DMRT1: variants seen among roughly 807,000 people sequenced by gnomAD.
DMRT1 encodes doublesex and mab-3 related transcription factor 1, also known as doublesex- and mab-3-related transcription factor 1.
A neutral mutation model predicts 32.3 loss-of-function variants in DMRT1; 7 were observed. The ratio of observed to expected loss-of-function variants is 0.22; its 90% CI spans 0.12 to 0.41. DMRT1 has a LOEUF of 0.41. DMRT1 is among the 10% of genes least tolerant of loss of function. The pLI, the probability that DMRT1 is intolerant of heterozygous loss-of-function variation, is 1.00. For missense variants in DMRT1, 625 were observed against 500.5 expected (o/e 1.25, Z -2.37); for synonymous variants, 278 against 206.1 (o/e 1.35, Z -2.99).
rs553891741 is a variant in DMRT1, at chr9:965,400, G to A, written c.968-2585G>A. ...TCTAGAGTGCAGTCATGCATTAAAAGTATGCTTGGAGCCCCGCTAGTCCAT... is the reference window on the plus strand; with the variant it reads ...TCTAGAGTGCAGTCATGCATTAAAAATATGCTTGGAGCCCCGCTAGTCCAT... On this transcript the variant is annotated intron_variant, in intron 4 of 4. Transcript: ENST00000382276. The surrounding 1 kb of genome is among the most constrained non-coding windows in gnomAD (Gnocchi z 4.5). Among the ~76,000 whole-genome samples the A allele has an allele frequency of 1.3e-5, 2 of 152,358 alleles. No individual in the cohort carries two copies. The highest frequency in any genetic ancestry group is 3.9e-4 in the East Asian group (2 of 5,188).
In DMRT1 at chr9:893,969, A is replaced by G; in HGVS notation, c.596A>G (p.Asn199Ser). Residue 199 changes from asparagine (N) to serine (S), a missense_variant, in exon 3 of 5, where the codon AAC becomes AGC. By Grantham distance (46) the Asn-to-Ser change is conservative. Around this residue, in one of 3 missense-constraint regions of DMRT1, gnomAD observed 416 missense variants for 321.6 expected, o/e 1.29. Transcript: ENST00000382276. Reference sequence around the variant, plus strand: ...GTCACCAGCAGAGGGCATGTGGAGAACACACCTGACCTGGTTTCAGACTCC... The same window carrying G: ...GTCACCAGCAGAGGGCATGTGGAGAGCACACCTGACCTGGTTTCAGACTCC... ...PAVTSRGHVE[N>S]TPDLVSDSTY... 4 of 1,614,118 alleles carry G rather than the reference A, an allele frequency of 2.5e-6. No homozygotes were observed. Among genetic ancestry groups the G allele is most frequent in the Non-Finnish European group, 3.4e-6 (4 of 1,179,956 alleles).
chr9:933,617 C>T (rs1056005275), intron 4 of DMRT1, among the ~76,000 whole-genome samples: 30 of 152,152 alleles, frequency 2.0e-4, no homozygotes, highest in Non-Finnish European at 2.8e-4. Flanking sequence ...TAGACCTGCA[C>T]CATCCAGTAC....
chr9:911,546 G>A (rs925621362), intron 3 of DMRT1, among the ~76,000 whole-genome samples: 1 of 127,362 alleles, frequency 7.9e-6, no homozygotes, highest in Non-Finnish European at 1.6e-5. Flanking sequence ...AGGCTGGAGT[G>A]CAGTGGTGCA....
intron 2 of DMRT1, among the ~76,000 whole-genome samples, chr9:849,447 G>A (rs902427495): frequency 1.3e-5 from 2 of 152,214 alleles, no homozygotes; most frequent in Admixed American, 6.5e-5. Flanking sequence ...TGACGGATCA[G>A]TGTCAATGCT....
rs946863986 is a variant in DMRT1 at position 922,832 on chromosome 9, A to G, written c.967+5925A>G. 2.0e-5 allele frequency among the ~76,000 whole-genome samples: 3 copies of G among 152,160 alleles called. No homozygotes were observed. The South Asian group carries it at 6.2e-4, about 32-fold the overall frequency. ...GAAGTGTTCATGTATTACTCATTTA[A>G]CACACAGAGGTTGTCAGCAGTTCCG... On this transcript the variant is annotated intron_variant, in intron 4 of 4. Transcript: ENST00000382276.
At chr9:905,571 A>G (rs920763662) in intron 3 of DMRT1, among the ~76,000 whole-genome samples, 11 of 151,698 alleles carry the variant, frequency 7.3e-5, no homozygotes, top group Admixed American at 1.3e-4. Context: ...TTTAAAGTGT[A>G]TAATGGAAAG....
At chr9:854,607 C>G (rs1000258408) in intron 2 of DMRT1, among the ~76,000 whole-genome samples, 1 of 152,034 alleles carries the variant, frequency 6.6e-6, no homozygotes, top group African/African-American at 2.4e-5. Context: ...TTGAAAGAGT[C>G]TGGCCACTTA....
chr9:937,096 A>G (rs1288774917), intron 4 of DMRT1, among the ~76,000 whole-genome samples: 1 of 152,120 alleles, frequency 6.6e-6, no homozygotes, highest in Non-Finnish European at 1.5e-5. Flanking sequence ...GAATGATGCC[A>G]TATTTGTCCT....
rs796961838 is a variant in DMRT1 at position 882,303 on chromosome 9, C to T, written c.539-11609C>T. 1.7e-4 allele frequency among the ~76,000 whole-genome samples: 26 copies of T among 152,278 alleles called. 1 individual carries two copies. Among genetic ancestry groups the T allele is most frequent in the African/African-American group, 6.3e-4 (26 of 41,548 alleles). On this transcript the variant is annotated intron_variant, in intron 2 of 4. Coordinates refer to ENST00000382276, the MANE Select transcript of DMRT1 (RefSeq NM_021951.3). ...CCACTGTGCCAGGAGCACCCCCATT[C>T]TCCTCCTGCAGTGGACCCTGTGCTC... is the stretch of plus-strand genomic sequence containing the variant.
In DMRT1 at chr9:968,051, A is replaced by C. The variant is rs756046603; in HGVS notation, c.1034A>C (p.Asn345Thr). 1.2e-5 allele frequency: 20 copies of C among 1,614,014 alleles called. No individual in the cohort carries two copies. The highest frequency in any genetic ancestry group is 1.7e-5 in the Admixed American group (1 of 60,008). ...CTCTCGAGCAGCTCTCCTATTAGTA[A>C]CAAGAGCACAAAGGCAGTGCTTGAA... ...VSLSSSSPIS[N>T]KSTKAVLECE... Residue 345 changes from asparagine to threonine, a missense_variant, in exon 5 of 5, where the codon AAC becomes ACC. Transcript: ENST00000382276.
chr9:906,021 ACACACACACC>A (rs1049309773), intron 3 of DMRT1, among the ~76,000 whole-genome samples: 18 of 46,986 alleles, frequency 3.8e-4, no homozygotes, highest in South Asian at 4.4e-3. Context: ...TGCTTCTGTG[ACACACACACC>A]CACACACACA....
chr9:864,892 TA>T (rs1275532519), intron 2 of DMRT1, among the ~76,000 whole-genome samples: 2 of 152,196 alleles, frequency 1.3e-5, no homozygotes, highest in African/African-American at 4.8e-5. Flanking sequence ...AACCATTTCA[TA>T]GTTATGGTTT....
chr9:893,493 T>A (rs1817230970), intron 2 of DMRT1, among the ~76,000 whole-genome samples: 1 of 152,240 alleles, frequency 6.6e-6, no homozygotes, highest in Admixed American at 6.5e-5. Flanking sequence ...TCACCTAAAT[T>A]CACCTAAACT....
intron 4 of DMRT1, among the ~76,000 whole-genome samples, chr9:942,217 C>G (rs552013952): frequency 6.6e-6 from 1 of 152,264 alleles, no homozygotes; most frequent in South Asian, 2.1e-4. Context: ...CTTTTAAAAA[C>G]AAGCTTTCTT....
intron 3 of DMRT1, among the ~76,000 whole-genome samples, chr9:915,030 A>G (rs1350707489): frequency 6.6e-6 from 1 of 152,220 alleles, no homozygotes. Context: ...TTTTTCAAGT[A>G]CCATTTAAAA....
chr9:901,879 A>G (rs1218760749), intron 3 of DMRT1, among the ~76,000 whole-genome samples: 7 of 145,388 alleles, frequency 4.8e-5, no homozygotes, highest in Admixed American at 2.1e-4. Flanking sequence ...TCTCACCCCC[A>G]TGGCCCACAC....
intron 2 of DMRT1, among the ~76,000 whole-genome samples, chr9:880,188 T>C (rs886935575): frequency 6.6e-6 from 1 of 152,170 alleles, no homozygotes; most frequent in Non-Finnish European, 1.5e-5. Flanking sequence ...GAAAAAGCAG[T>C]GAGTGTAGCT....
At chr9:964,554 C>A (rs1343630319) in intron 4 of DMRT1, among the ~76,000 whole-genome samples, 1 of 152,010 alleles carries the variant, frequency 6.6e-6, no homozygotes, top group Non-Finnish European at 1.5e-5. Context: ...GAAATAATTT[C>A]TTCTATTTCT....
intron 2 of DMRT1, among the ~76,000 whole-genome samples, chr9:848,705 C>A (rs560816027): frequency 6.7e-6 from 1 of 150,036 alleles, no homozygotes; most frequent in Non-Finnish European, 1.5e-5. Flanking sequence ...AGGCGCCCGC[C>A]ACCACACCCG....
Sources: gnomAD v4.1 joint callset for allele counts (sites outside exome capture counted in the v4.1 genomes callset) on GRCh38, gnomAD v4.1.1 for gene constraint, gnomAD v4.1.1 regional missense constraint, Gnocchi (gnomAD v3.1) non-coding constraint, MANE v1.5 for transcripts, NCBI Gene and HGNC (gene_info 2026-07-23, HGNC 2026-07-21) for gene names.